The following LRP2 variants were observed in gnomAD, a reference collection of about 807,000 sequenced individuals.
The protein encoded by LRP2 is LDL receptor related protein 2.
A neutral mutation model predicts 531.0 loss-of-function variants in LRP2; 172 were observed. That is an observed-to-expected ratio of 0.32 (90% confidence interval 0.29 to 0.37). LRP2 has a LOEUF of 0.37. LRP2 is among the 10% of genes least tolerant of loss of function. The pLI is 1.00. For missense variants in LRP2, 5,167 were observed against 5,868.3 expected (o/e 0.88, Z 3.90); for synonymous variants, 1,992 against 2,027.6 (o/e 0.98, Z 0.47).
At chr2:169,200,091 A>C (rs556844280) in intron 44 of LRP2, among the ~76,000 whole-genome samples, 4 of 152,082 alleles carry the variant, frequency 2.6e-5, no homozygotes, top group Non-Finnish European at 5.9e-5. Flanking sequence ...TCTACTAAAA[A>C]ATACAAAAAA....
intron 9 of LRP2, among the ~76,000 whole-genome samples, chr2:169,285,766 TC>T (rs1274954289): frequency 6.6e-6 from 1 of 152,148 alleles, no homozygotes; most frequent in African/African-American, 2.4e-5. Context: ...GTAAACTGCT[TC>T]AGCATGCCTC....
At chr2:169,248,552 G>A (rs900211806) in intron 19 of LRP2, among the ~76,000 whole-genome samples, 18 of 152,316 alleles carry the variant, frequency 1.2e-4, no homozygotes, top group Admixed American at 3.9e-4. Context: ...TAGTAAAAAG[G>A]TACACAATTT....
intron 1 of LRP2, among the ~76,000 whole-genome samples, chr2:169,350,567 A>G (rs1230265651): frequency 6.6e-6 from 1 of 151,892 alleles, no homozygotes; most frequent in Non-Finnish European, 1.5e-5. Context: ...CTACAAAAAT[A>G]CAAAAATTAG....
intron 1 of LRP2, among the ~76,000 whole-genome samples, chr2:169,333,981 A>G (rs2105543812): frequency 6.6e-6 from 1 of 152,334 alleles, no homozygotes; most frequent in East Asian, 1.9e-4. Flanking sequence ...ACAATATTAC[A>G]TTGTCACCAA....
At chr2:169,332,467 C>T (rs1174790334) in intron 1 of LRP2, among the ~76,000 whole-genome samples, 3 of 152,272 alleles carry the variant, frequency 2.0e-5, no homozygotes, top group African/African-American at 4.8e-5. Context: ...CAATCAGTGT[C>T]CAGACACTAA....
chr2:169,172,948 A>T, intron 57 of LRP2, 148 bp downstream of exon 57: 1 of 1,030,810 alleles, frequency 9.7e-7, no homozygotes, highest in East Asian at 2.5e-5. Flanking sequence ...AAAATGTAAC[A>T]TGTTATTAGA....
chr2:169,354,076 A>T (rs1685927521), intron 1 of LRP2, among the ~76,000 whole-genome samples: 1 of 152,350 alleles, frequency 6.6e-6, no homozygotes, highest in South Asian at 2.1e-4. Flanking sequence ...TGTTAATGAC[A>T]TAAAAACCAA....
Position 169,173,908 on chromosome 2 carries a change from C to T in LRP2, c.11014+11G>A, listed in dbSNP as rs1687091911. On this transcript the variant is annotated intron_variant, in intron 56 of 78. Coordinates refer to ENST00000649046, the MANE Select transcript of LRP2 (RefSeq NM_004525.3). Reference sequence around the variant, plus strand: ...CTCTGGTCATGCCTTGGTCCTCCCACAGGAACTTACTGCATTCTTCAATGG... The same window carrying T: ...CTCTGGTCATGCCTTGGTCCTCCCATAGGAACTTACTGCATTCTTCAATGG... 1 of 1,614,078 alleles carries T rather than the reference C, an allele frequency of 6.2e-7. No homozygotes were observed. Among genetic ancestry groups the T allele is most frequent in the South Asian group, 1.1e-5 (1 of 91,042 alleles).
At chr2:169,171,751 T>A (rs1687012975) in intron 58 of LRP2, among the ~76,000 whole-genome samples, 1 of 152,204 alleles carries the variant, frequency 6.6e-6, no homozygotes. Context: ...AAAAGTTGGA[T>A]GTAAATAAAT....
At chr2:169,268,220 C>T (rs888547666) in intron 16 of LRP2, among the ~76,000 whole-genome samples, 1 of 151,998 alleles carries the variant, frequency 6.6e-6, no homozygotes, top group African/African-American at 2.4e-5. Flanking sequence ...CTATTCCAAT[C>T]AAAGCAAAAA....
intron 33 of LRP2, among the ~76,000 whole-genome samples, chr2:169,222,397 T>C (rs1689052298): frequency 6.6e-6 from 1 of 152,236 alleles, no homozygotes; most frequent in Admixed American, 6.5e-5. Flanking sequence ...GAATAGCTCA[T>C]GAGTGGAGAA....
At chr2:169,236,093 T>C (rs370422158) in intron 28 of LRP2, 25 bp from the exon 29 acceptor site, 12 of 1,500,292 alleles carry the variant, frequency 8.0e-6, no homozygotes, top group Admixed American at 3.4e-5. Context: ...GAGTTACCAA[T>C]TGGAGGGGAC....
Position 169,257,192 on chromosome 2 carries a change from G to A in LRP2, c.2571C>T (p.Asp857=), listed in dbSNP as rs745850795. The A allele has an allele frequency of 6.2e-6, 10 of 1,612,722 alleles. No homozygotes were observed. Among genetic ancestry groups the A allele is most frequent in the South Asian group, 1.1e-5 (1 of 91,066 alleles). The part of the protein sequence containing the change: ...RPAKIMRAWS[D]GSHLLPVINT... ...TTATTACAGGCAAGAGGTGAGATCC[G>A]TCACTCCATGCTCTCATAATTTTAG... Residue 857 remains aspartate (D), a synonymous_variant, in exon 18 of 79, where the codon GAC becomes GAT. Transcript: ENST00000649046.
Position 169,169,764 on chromosome 2 carries a change from T to C in LRP2, c.11435A>G (p.His3812Arg). 6.2e-7 allele frequency: 1 copy of C among 1,614,166 alleles called. No homozygotes were observed. The highest frequency in any genetic ancestry group is 8.5e-7 in the Non-Finnish European group (1 of 1,179,980). The change falls in exon 60 of 79, where the codon CAC becomes CGC. Residue 3812 changes from histidine (H) to arginine (R), a missense_variant. Around this residue, in one of 6 missense-constraint regions of LRP2, gnomAD observed 564 missense variants for 747.7 expected, o/e 0.75. Coordinates refer to ENST00000649046, the MANE Select transcript of LRP2 (RefSeq NM_004525.3). The stretch of plus-strand genomic sequence containing the variant: ...GGATCCATCGCATTTCAGTTCACTG[T>C]GTACACAATGTCCACTTGTACACTG... ...YFQCTSGHCV[H>R]SELKCDGSAD...
intron 1 of LRP2, among the ~76,000 whole-genome samples, chr2:169,338,359 G>GAAAGAAAGAAAGAAA (rs1685467009): frequency 3.9e-5 from 3 of 76,566 alleles, no homozygotes; most frequent in African/African-American, 5.5e-5. Flanking sequence ...AAAGAAAGAA[G>GAAAGAAAGAAAGAAA]GAAAGAAAGA....
At position 169,220,524 on chromosome 2, in the gene LRP2, A is replaced by G; in HGVS notation, c.5578T>C (p.Leu1860=). 1 of 1,613,510 alleles carries G rather than the reference A, an allele frequency of 6.2e-7. No homozygotes were observed. Among genetic ancestry groups the G allele is most frequent in the Non-Finnish European group, 8.5e-7 (1 of 1,179,612 alleles). ...AGAGCTGTCCCATCATTGGCAATCAATGTTTTTCTGTATCTGATATCTCCG... is the reference window on the plus strand; with the variant it reads ...AGAGCTGTCCCATCATTGGCAATCAGTGTTTTTCTGTATCTGATATCTCCG... ...LHGDIRYRKT[L]IANDGTALGV... is the part of the protein sequence containing the mutation. Residue 1860 remains leucine, a synonymous_variant, in exon 34 of 79, where the codon TTG becomes CTG. Transcript: ENST00000649046.
chr2:169,238,311 G>GA lies in LRP2; in HGVS notation c.4295-10dup, dbSNP rs768343955. 1.9e-6 allele frequency: 3 copies of GA among 1,603,824 alleles called. No individual in the cohort carries two copies. Among genetic ancestry groups the GA allele is most frequent in the South Asian group, 1.1e-5 (1 of 90,742 alleles). On this transcript the variant is annotated splice_polypyrimidine_tract_variant and intron_variant, in intron 26 of 78. Transcript: ENST00000649046. ...CAGCAGACTCTCAGATGCTGTTCAA[G>GA]AAAAAAATGCAAAAATGTCAATGAT...
At chr2:169,326,282 A>G (rs1685056523) in intron 1 of LRP2, among the ~76,000 whole-genome samples, 1 of 148,616 alleles carries the variant, frequency 6.7e-6, no homozygotes, top group Admixed American at 6.7e-5. Flanking sequence ...GCTGGACTGT[A>G]CTGCTGCCAT....
chr2:169,261,806 G>C (rs1041324058), intron 16 of LRP2, among the ~76,000 whole-genome samples: 2 of 152,014 alleles, frequency 1.3e-5, no homozygotes, highest in African/African-American at 4.8e-5. Context: ...GAGCATTTTA[G>C]ACCAATATCC....
Sources: gnomAD v4.1 joint callset for allele counts (sites outside exome capture counted in the v4.1 genomes callset) on GRCh38, gnomAD v4.1.1 for gene constraint, gnomAD v4.1.1 regional missense constraint, MANE v1.5 for transcripts, NCBI Gene and HGNC (gene_info 2026-07-23, HGNC 2026-07-21) for gene names.